Variants in ATR observed in about 807,000 individuals in gnomAD.
The protein encoded by ATR is serine/threonine-protein kinase ATR.
Under a neutral mutation model 305.3 loss-of-function variants are expected in ATR, and 142 were observed. The ratio of observed to expected loss-of-function variants is 0.47; its 90% CI spans 0.41 to 0.53. The LOEUF is 0.53. ATR is among the 20% of genes least tolerant of loss of function. The pLI is 0.00. For missense variants in ATR, 2,135 were observed against 3,133.1 expected (o/e 0.68, Z 7.60); for synonymous variants, 1,050 against 1,068.1 (o/e 0.98, Z 0.33).
At chr3:142,500,335 T>G (rs1287076761) in intron 30 of ATR, among the ~76,000 whole-genome samples, 1 of 152,204 alleles carries the variant, frequency 6.6e-6, no homozygotes, top group Non-Finnish European at 1.5e-5. Flanking sequence ...AAAACCAGTA[T>G]GATATAGGCT....
At chr3:142,536,042 T>C (rs1332838084) in intron 20 of ATR, 66 bp downstream of exon 20, 2 of 1,102,314 alleles carry the variant, frequency 1.8e-6, no homozygotes, top group Admixed American at 1.7e-5. Flanking sequence ...CTTTATTTCA[T>C]GTATTGGAAC....
intron 39 of ATR, among the ~76,000 whole-genome samples, chr3:142,467,048 C>T (rs1255292001): frequency 6.6e-6 from 1 of 152,068 alleles, no homozygotes; most frequent in Non-Finnish European, 1.5e-5. Flanking sequence ...CATCAGAGGT[C>T]AAATGGGATT....
At chr3:142,496,278 CTATATATATATATATATATATATA>C (rs6148111) in intron 34 of ATR, 59 bp downstream of exon 34, 55 of 115,172 alleles carry the variant, frequency 4.8e-4, no homozygotes, top group East Asian at 1.6e-3. Context: ...TAATTCCCGA[CTATATATATATATATATATATATA>C]TATATATATA....
At chr3:142,507,562 C>T (rs765496903) in intron 28 of ATR, among the ~76,000 whole-genome samples, 8 of 152,130 alleles carry the variant, frequency 5.3e-5, no homozygotes, top group African/African-American at 1.9e-4. Flanking sequence ...ATTCCAAAAC[C>T]GACACTTTAC....
intron 42 of ATR, among the ~76,000 whole-genome samples, chr3:142,460,527 C>T (rs2108263869): frequency 6.6e-6 from 1 of 152,200 alleles, no homozygotes; most frequent in South Asian, 2.1e-4. Context: ...AGCCACAGAA[C>T]ACCAGAAGGT....
chr3:142,547,083 T>C (rs908709156), intron 16 of ATR, among the ~76,000 whole-genome samples: 2 of 152,196 alleles, frequency 1.3e-5, no homozygotes, highest in African/African-American at 4.8e-5. Flanking sequence ...CCTTTAAGTC[T>C]GTTACAAGAA....
chr3:142,465,293 G>T, intron 40 of ATR, 53 bp from the exon 41 acceptor site: 2 of 1,416,574 alleles, frequency 1.4e-6, no homozygotes, highest in South Asian at 1.2e-5. Context: ...CTGTGTAAAT[G>T]TCTATATATT....
chr3:142,538,012 C>T (rs1170455762), intron 19 of ATR, among the ~76,000 whole-genome samples: 1 of 152,006 alleles, frequency 6.6e-6, no homozygotes, highest in African/African-American at 2.4e-5. Flanking sequence ...TGGAATGACA[C>T]CAATAAAGAG....
intron 36 of ATR, among the ~76,000 whole-genome samples, chr3:142,476,174 C>T (rs2071440477): frequency 6.6e-6 from 1 of 152,178 alleles, no homozygotes; most frequent in African/African-American, 2.4e-5. Context: ...TTGCCCATGC[C>T]TATGTCCCAA....
chr3:142,475,509 T>G (rs1381310537), intron 36 of ATR, among the ~76,000 whole-genome samples: 4 of 152,260 alleles, frequency 2.6e-5, no homozygotes, highest in Non-Finnish European at 5.9e-5. Flanking sequence ...GTTGGACATT[T>G]GGGTTGGTTC....
intron 35 of ATR, among the ~76,000 whole-genome samples, chr3:142,487,562 T>C (rs1007381017): frequency 1.2e-4 from 18 of 152,242 alleles, no homozygotes; most frequent in African/African-American, 4.1e-4. Context: ...TGCTACAACA[T>C]ATTTATCCAT....
At chr3:142,564,971 A>G (rs1129393) in intron 3 of ATR, among the ~76,000 whole-genome samples, 99,712 of 151,962 alleles carry the variant, frequency 0.66, 34,503 homozygotes, top group African/African-American at 0.9. Context: ...TAGAGACAGG[A>G]TTTTGCCATG....
intron 19 of ATR, among the ~76,000 whole-genome samples, chr3:142,537,557 G>A (rs1323932459): frequency 1.3e-5 from 2 of 152,030 alleles, no homozygotes; most frequent in Non-Finnish European, 2.9e-5. Context: ...AAAAATAAAA[G>A]TATTTTAACT....
Position 142,468,052 on chromosome 3 carries a change from C to A in ATR, c.6569G>T (p.Arg2190Leu), listed in dbSNP as rs751887452. The A allele has an allele frequency of 6.2e-7, 1 of 1,612,400 alleles. No individual in the cohort carries two copies. The highest frequency in any genetic ancestry group is 1.1e-5 in the South Asian group (1 of 91,034). Residue 2190 changes from arginine to leucine, a missense_variant, in exon 39 of 47, where the codon CGT becomes CTT. Physicochemically the swap from Arg to Leu is moderately radical, Grantham distance 102. Around this residue, in one of 9 missense-constraint regions of ATR, gnomAD observed 462 missense variants for 887.6 expected, o/e 0.52. Transcript: ENST00000350721. Reference protein sequence around the residue: ...TAVSKSSYPMRVNRCKEILNK... With the variant: ...TAVSKSSYPMLVNRCKEILNK... ...GAGGATTTCCTTGCATCTGTTCACA[C>A]GCATGGGATAAGATGACTGTCATAA...
chr3:142,517,365 CAT>C (rs1458239180), intron 24 of ATR, among the ~76,000 whole-genome samples: 1 of 140,096 alleles, frequency 7.1e-6, no homozygotes. Flanking sequence ...AAAAAAAAAA[CAT>C]AAAGTAGGGA....
At chr3:142,534,949 T>A in intron 21 of ATR, 131 bp downstream of exon 21, 1 of 1,001,326 alleles carries the variant, frequency 1.0e-6, no homozygotes, top group Non-Finnish European at 1.4e-6. Context: ...CTCAGTCAGA[T>A]CTGATAATTC....
intron 22 of ATR, 138 bp downstream of exon 22, chr3:142,523,855 A>AGTAAAAGTT: frequency 1.1e-6 from 1 of 939,790 alleles, no homozygotes. Context: ...TAAAAGAAAT[A>AGTAAAAGTT]AACTCAGAAG....
At chr3:142,499,094 T>C (rs1319980350) in intron 31 of ATR, 1 of 381,846 alleles carries the variant, frequency 2.6e-6, no homozygotes, top group South Asian at 2.3e-5. Flanking sequence ...TTGCCCAGAC[T>C]GGTCTAGAGC....
Position 142,460,593 on chromosome 3 carries a change from T to C in ATR, c.7193-1210A>G, listed in dbSNP as rs79706090. ...GAGAGATCATGGTCCTAATGACAACTTGATATTGTATCTTTAGCCTCCAGA... is the reference window on the plus strand; with the variant it reads ...GAGAGATCATGGTCCTAATGACAACCTGATATTGTATCTTTAGCCTCCAGA... On this transcript the variant is annotated intron_variant, in intron 42 of 46. Transcript: ENST00000350721. Among the ~76,000 whole-genome samples, 46 of 152,316 alleles carry C rather than the reference T, an allele frequency of 3.0e-4. No individual in the cohort carries two copies. The East Asian group carries it at 8.9e-3, about 29-fold the overall frequency.
Sources: allele counts gnomAD v4.1 joint callset (sites outside exome capture counted in the v4.1 genomes callset), GRCh38; gene constraint gnomAD v4.1.1; regional missense constraint gnomAD v4.1.1; transcripts MANE v1.5; gene names NCBI Gene and HGNC (gene_info 2026-07-23, HGNC 2026-07-21).